Variants in SLIT1 observed in about 807,000 individuals in gnomAD.
The protein encoded by SLIT1 is slit homolog 1 protein.
Under a neutral mutation model 186.1 loss-of-function variants are expected in SLIT1, and 66 were observed. That is an observed-to-expected ratio of 0.35 (90% CI 0.29 to 0.44). The LOEUF is 0.44. Ranked by LOEUF, SLIT1 falls within the 20% of genes least tolerant of loss-of-function variation. SLIT1 has a pLI of 1.00. For missense variants in SLIT1, 1,638 were observed against 2,037.4 expected (o/e 0.80, Z 3.77); for synonymous variants, 761 against 833.8 (o/e 0.91, Z 1.50).
intron 4 of SLIT1, among the ~76,000 whole-genome samples, chr10:97,083,411 G>A (rs192341680): frequency 4.3e-4 from 65 of 152,304 alleles, no homozygotes; most frequent in Admixed American, 2.6e-4. Context: ...GGAGGCTTCT[G>A]GAAGTGTATG....
At chr10:97,070,924 T>A (rs1002364915) in intron 4 of SLIT1, among the ~76,000 whole-genome samples, 7 of 152,136 alleles carry the variant, frequency 4.6e-5, no homozygotes, top group Non-Finnish European at 8.8e-5. Flanking sequence ...GCTCAAGCGA[T>A]CCTCCCCACC....
At position 97,100,999 on chromosome 10, in the gene SLIT1, T is replaced by A. The variant is rs745312520; in HGVS notation, c.414-34913A>T. 2.0e-5 allele frequency among the ~76,000 whole-genome samples: 3 copies of A among 152,294 alleles called. No homozygotes were observed. In the East Asian group the frequency reaches 5.8e-4, roughly 29 times the overall value. ...ACAAGAGCAGAAAACAGTAAGGGAA[T>A]GGACCTCTCTGTGCATCAATGAAGC... On this transcript the variant is annotated intron_variant, in intron 4 of 36. Transcript: ENST00000266058.
At chr10:97,066,167 C>A in intron 4 of SLIT1, 81 bp from the exon 5 acceptor site, 1 of 1,183,574 alleles carries the variant, frequency 8.4e-7, no homozygotes, top group Non-Finnish European at 1.2e-6. Context: ...GTCAGGGAAG[C>A]AGGGCAGGTG....
chr10:97,021,519 G>A lies in SLIT1; in HGVS notation c.2583-106C>T. On this transcript the variant is annotated intron_variant, in intron 25 of 36. Transcript: ENST00000266058. The surrounding 1 kb of genome is among the most constrained non-coding windows in gnomAD (Gnocchi z 4.5). ...GCACCAGGGGCTGGCAAAAATCTTA[G>A]CCTCCATTTCATGAGCATTTACTGT... 1 of 998,778 alleles carries A rather than the reference G, an allele frequency of 1.0e-6. No individual in the cohort carries two copies. Among genetic ancestry groups the A allele is most frequent in the Non-Finnish European group, 1.5e-6 (1 of 686,168 alleles). The allele number at this position is 998,778 out of a possible 1,614,324, so 61.9% of individuals were successfully genotyped here. A position where few individuals can be genotyped will look rare whatever the true frequency, so the allele number is the denominator to read the frequency against.
intron 11 of SLIT1, among the ~76,000 whole-genome samples, chr10:97,058,285 C>T (rs1017250770): frequency 6.6e-6 from 1 of 152,204 alleles, no homozygotes; most frequent in African/African-American, 2.4e-5. Context: ...CCGAGGTAGA[C>T]ACTGTTGATG....
intron 6 of SLIT1, among the ~76,000 whole-genome samples, 192 bp from the exon 7 acceptor site, chr10:97,064,431 C>A (rs527782311): frequency 6.6e-6 from 1 of 152,222 alleles, no homozygotes; most frequent in South Asian, 2.1e-4. Context: ...GGACGGTGAC[C>A]GTAAGCCGAC....
At chr10:97,012,214 C>T (rs1159509678) in intron 30 of SLIT1, among the ~76,000 whole-genome samples, 3 of 151,572 alleles carry the variant, frequency 2.0e-5, no homozygotes, top group African/African-American at 7.3e-5. Flanking sequence ...TACTTTGTTT[C>T]ATCTTTTAAT....
chr10:97,001,901 G>A (rs956410681), intron 36 of SLIT1, among the ~76,000 whole-genome samples: 4 of 152,068 alleles, frequency 2.6e-5, no homozygotes, highest in African/African-American at 9.7e-5. Context: ...CTGTTACCCT[G>A]GGTGGTCTCT....
At chr10:97,176,110 A>G (rs964675318) in intron 1 of SLIT1, among the ~76,000 whole-genome samples, 1 of 152,198 alleles carries the variant, frequency 6.6e-6, no homozygotes, top group Non-Finnish European at 1.5e-5. Context: ...CACGTCTCAG[A>G]GCCTCAAGAC....
intron 1 of SLIT1, among the ~76,000 whole-genome samples, chr10:97,182,671 T>A (rs1167002896): frequency 2.0e-5 from 3 of 152,164 alleles, no homozygotes; most frequent in Non-Finnish European, 4.4e-5. Context: ...AAAGTTCACA[T>A]ATAGAAAGTC....
chr10:97,045,658 G>A (rs1286018518), intron 18 of SLIT1, among the ~76,000 whole-genome samples: 2 of 152,188 alleles, frequency 1.3e-5, no homozygotes, highest in Non-Finnish European at 2.9e-5. Context: ...AGAAAAATGA[G>A]GCAGCCTATA....
At chr10:97,087,477 T>C (rs1347549662) in intron 4 of SLIT1, among the ~76,000 whole-genome samples, 2 of 152,208 alleles carry the variant, frequency 1.3e-5, no homozygotes, top group Admixed American at 6.5e-5. Flanking sequence ...ATAATAACGA[T>C]GGCAGCACAG....
chr10:97,044,080 A>G (rs141399748), intron 18 of SLIT1, among the ~76,000 whole-genome samples: 2 of 152,332 alleles, frequency 1.3e-5, no homozygotes, highest in South Asian at 2.1e-4. Context: ...CCTCATCTAC[A>G]TCTGGAAAAG....
intron 4 of SLIT1, among the ~76,000 whole-genome samples, chr10:97,112,808 C>G (rs1160099774): frequency 1.3e-5 from 2 of 152,122 alleles, no homozygotes; most frequent in Non-Finnish European, 1.5e-5. Context: ...ATCTTCCCAC[C>G]TCAGCCTCCC....
At chr10:97,146,347 A>G (rs1450260656) in intron 4 of SLIT1, among the ~76,000 whole-genome samples, 1 of 152,182 alleles carries the variant, frequency 6.6e-6, no homozygotes. Context: ...CTAACCAAAA[A>G]TTGAGTTGGT....
At position 97,143,719 on chromosome 10, in the gene SLIT1, A is replaced by T. The variant is rs565847459; in HGVS notation, c.413+14099T>A. On this transcript the variant is annotated intron_variant, in intron 4 of 36. Transcript: ENST00000266058. Reference sequence around the variant, plus strand: ...TCAGTGGAGCAGAACCGAGTTGCAGATACATCAGGGAATGCTGAAGAGTCT... The same window carrying T: ...TCAGTGGAGCAGAACCGAGTTGCAGTTACATCAGGGAATGCTGAAGAGTCT... 1.2e-4 allele frequency among the ~76,000 whole-genome samples: 19 copies of T among 152,318 alleles called. No homozygotes were observed. In the East Asian group the frequency reaches 3.7e-3, roughly 29 times the overall value.
intron 22 of SLIT1, among the ~76,000 whole-genome samples, chr10:97,037,098 G>A (rs77274235): frequency 0.032 from 3,774 of 117,742 alleles, 125 homozygotes; most frequent in African/African-American, 0.11. Flanking sequence ...GTGTGTGTGT[G>A]TATGTGTGTG....
intron 29 of SLIT1, 43 bp from the exon 30 acceptor site, chr10:97,013,877 C>T: frequency 1.3e-6 from 2 of 1,541,252 alleles, no homozygotes; most frequent in Non-Finnish European, 8.8e-7. Flanking sequence ...AGCTGCTCTC[C>T]TGTGCTCTGC....
At position 97,021,519 on chromosome 10, in the gene SLIT1, G is replaced by T; in HGVS notation, c.2583-106C>A. ...GCACCAGGGGCTGGCAAAAATCTTAGCCTCCATTTCATGAGCATTTACTGT... is the reference window on the plus strand; with the variant it reads ...GCACCAGGGGCTGGCAAAAATCTTATCCTCCATTTCATGAGCATTTACTGT... On this transcript the variant is annotated intron_variant, in intron 25 of 36. Transcript: ENST00000266058. The surrounding 1 kb of genome is among the most constrained non-coding windows in gnomAD (Gnocchi z 4.5). 1 of 998,778 alleles carries T rather than the reference G, an allele frequency of 1.0e-6. No individual in the cohort carries two copies. Among genetic ancestry groups the T allele is most frequent in the Non-Finnish European group, 1.5e-6 (1 of 686,168 alleles). The allele number at this position is 998,778 out of a possible 1,614,324, so 61.9% of individuals were successfully genotyped here. A position where few individuals can be genotyped will look rare whatever the true frequency, so the allele number is the denominator to read the frequency against.
Sources: allele counts gnomAD v4.1 joint callset (sites outside exome capture counted in the v4.1 genomes callset), GRCh38; gene constraint gnomAD v4.1.1; non-coding constraint Gnocchi (gnomAD v3.1); transcripts MANE v1.5; gene names NCBI Gene and HGNC (gene_info 2026-07-23, HGNC 2026-07-21).